The following CCDC7 variants were observed in gnomAD, a reference collection of about 807,000 sequenced individuals.
CCDC7 encodes the protein coiled-coil domain containing 7, also known as coiled-coil domain-containing protein 7.
Under a neutral mutation model 196.9 loss-of-function variants are expected in CCDC7, and 183 were observed. The observed-to-expected ratio is 0.93, with a 90% CI of 0.82 to 1.05. The LOEUF (loss-of-function observed/expected upper bound fraction) is 1.05, where lower values mean the gene tolerates loss of function less well. CCDC7 is among the 50% of genes least tolerant of loss of function. CCDC7 has a pLI of 0.00. For synonymous variants in CCDC7, 525 were observed against 484.6 expected (o/e 1.08, Z -1.10); for missense variants, 1,540 against 1,482.2 (o/e 1.04, Z -0.64).
At chr10:32,482,729 A>G (rs1010457861) in intron 8 of CCDC7, among the ~76,000 whole-genome samples, 12 of 151,050 alleles carry the variant, frequency 7.9e-5, no homozygotes, top group African/African-American at 2.9e-4. Context: ...GTTCCCACCT[A>G]TGAGTGAGGA....
intron 18 of CCDC7, among the ~76,000 whole-genome samples, chr10:32,600,355 A>G (rs907747470): frequency 6.6e-6 from 1 of 150,652 alleles, no homozygotes; most frequent in Admixed American, 6.6e-5. Flanking sequence ...TTTGAGTCTC[A>G]GCTTGGTCAT....
chr10:32,584,055 G>A (rs2058998016), intron 17 of CCDC7, among the ~76,000 whole-genome samples, 177 bp from the exon 19 acceptor site: 1 of 151,936 alleles, frequency 6.6e-6, no homozygotes, highest in Admixed American at 6.6e-5. Context: ...TAATTGTTCT[G>A]ACTTTTTAAT....
intron 13 of CCDC7, among the ~76,000 whole-genome samples, chr10:32,546,564 C>T (rs367682434): frequency 3.3e-5 from 5 of 152,062 alleles, no homozygotes; most frequent in African/African-American, 9.7e-5. Context: ...TATGTATACA[C>T]CTGAATGACC....
intron 29 of CCDC7, among the ~76,000 whole-genome samples, chr10:32,800,730 C>T (rs570789190): frequency 6.6e-6 from 1 of 152,178 alleles, no homozygotes; most frequent in Non-Finnish European, 1.5e-5. Flanking sequence ...GGGGATCCAG[C>T]CTTTCCTTCA....
intron 21 of CCDC7, among the ~76,000 whole-genome samples, chr10:32,674,055 C>A (rs545955786): frequency 3.3e-5 from 5 of 151,400 alleles, no homozygotes; most frequent in African/African-American, 1.2e-4. Flanking sequence ...TTTCAAAAAC[C>A]GAACTCACAT....
intron 28 of CCDC7, among the ~76,000 whole-genome samples, chr10:32,749,119 C>T (rs1284636931): frequency 6.6e-6 from 1 of 152,164 alleles, no homozygotes; most frequent in Non-Finnish European, 1.5e-5. Context: ...TTGTGATTCC[C>T]TATCTTTACC....
intron 21 of CCDC7, among the ~76,000 whole-genome samples, chr10:32,678,262 A>G (rs767703878): frequency 2.0e-5 from 3 of 152,024 alleles, no homozygotes; most frequent in Non-Finnish European, 2.9e-5. Context: ...TTGTTATTTG[A>G]GTTATCACCT....
chr10:32,739,929 G>A (rs1440919117), intron 28 of CCDC7, among the ~76,000 whole-genome samples: 1 of 151,818 alleles, frequency 6.6e-6, no homozygotes, highest in East Asian at 1.9e-4. Context: ...TATTTTAGCT[G>A]TAATCTGCTA....
At chr10:32,509,453 T>C (rs1315568939) in intron 9 of CCDC7, among the ~76,000 whole-genome samples, 1 of 149,330 alleles carries the variant, frequency 6.7e-6, no homozygotes, top group Non-Finnish European at 1.5e-5. Context: ...AACTCCTCGA[T>C]GAAAACATAG....
chr10:32,577,630 A>G (rs1356216392), intron 16 of CCDC7, among the ~76,000 whole-genome samples: 1 of 152,152 alleles, frequency 6.6e-6, no homozygotes, highest in African/African-American at 2.4e-5. Context: ...CCATTAGTGA[A>G]TCATGCTTTC....
intron 18 of CCDC7, among the ~76,000 whole-genome samples, chr10:32,602,352 G>A (rs974130475): frequency 7.2e-5 from 11 of 152,182 alleles, no homozygotes; most frequent in African/African-American, 2.4e-4. Flanking sequence ...CACTCACTGC[G>A]AGGGTCTGTC....
chr10:32,803,394 A>T (rs2085190201), intron 29 of CCDC7, among the ~76,000 whole-genome samples: 1 of 152,194 alleles, frequency 6.6e-6, no homozygotes, highest in Non-Finnish European at 1.5e-5. Context: ...TAGCTCTAAT[A>T]ATAATTCCTG....
intron 18 of CCDC7, among the ~76,000 whole-genome samples, chr10:32,618,102 T>C (rs2062975326): frequency 6.6e-6 from 1 of 151,962 alleles, no homozygotes; most frequent in Non-Finnish European, 1.5e-5. Flanking sequence ...TTTCTACCCC[T>C]TTACTTTTAG....
intron 13 of CCDC7, among the ~76,000 whole-genome samples, chr10:32,549,156 A>G (rs537814644): frequency 1.1e-4 from 16 of 152,232 alleles, no homozygotes; most frequent in African/African-American, 3.6e-4. Flanking sequence ...CATTTCCCTG[A>G]TCATTCATGA....
chr10:32,487,606 C>T (rs1224846711), intron 8 of CCDC7, among the ~76,000 whole-genome samples: 1 of 152,174 alleles, frequency 6.6e-6, no homozygotes, highest in Non-Finnish European at 1.5e-5. Context: ...TTTTCCCCAT[C>T]TTTGTGGTTT....
At chr10:32,684,324 C>T (rs1363336450) in intron 21 of CCDC7, among the ~76,000 whole-genome samples, 5 of 152,276 alleles carry the variant, frequency 3.3e-5, no homozygotes, top group South Asian at 4.1e-4. Context: ...GCCTGAATAG[C>T]GGCTCTGCGG....
intron 20 of CCDC7, among the ~76,000 whole-genome samples, chr10:32,660,114 CTTTT>C (rs551712904): frequency 6.1e-5 from 9 of 147,956 alleles, no homozygotes; most frequent in Admixed American, 6.1e-4. Flanking sequence ...CTCTGTTTTT[CTTTT>C]TTTTTTCTTT....
intron 25 of CCDC7, among the ~76,000 whole-genome samples, chr10:32,723,494 A>G (rs909327266): frequency 6.6e-6 from 1 of 152,118 alleles, no homozygotes; most frequent in African/African-American, 2.4e-5. Flanking sequence ...TATACATTGG[A>G]AGAATAGTCC....
Position 32,471,657 on chromosome 10 carries a change from T to C in CCDC7, c.677+427T>C, listed in dbSNP as rs191110400. Among the ~76,000 whole-genome samples, 7 of 152,312 alleles carry C rather than the reference T, an allele frequency of 4.6e-5. No individual in the cohort carries two copies. In the East Asian group the frequency reaches 1.3e-3, roughly 29 times the overall value. ...TTCATGAACACCTTCATTAATTATA[T>C]TAACAGCTTATCAAGTAAAATTTTT... On this transcript the variant is annotated intron_variant, in intron 6 of 41. Coordinates refer to ENST00000639629, the Ensembl canonical transcript of CCDC7.
Sources: gnomAD v4.1 joint callset for allele counts (sites outside exome capture counted in the v4.1 genomes callset) on GRCh38, gnomAD v4.1.1 for gene constraint, MANE v1.5 for transcripts, NCBI Gene and HGNC (gene_info 2026-07-23, HGNC 2026-07-21) for gene names.